The following ENPP6 variants were observed in gnomAD, a reference collection of about 807,000 sequenced individuals.
ENPP6 encodes the protein ectonucleotide pyrophosphatase/phosphodiesterase 6.
ENPP6 carries 32 observed loss-of-function variants against 42.0 expected under a neutral mutation model. That is an observed-to-expected ratio of 0.76 (90% CI 0.58 to 1.02). The LOEUF is 1.02. ENPP6 is among the 50% of genes least tolerant of loss of function. The pLI is 0.00. For synonymous variants in ENPP6, 213 were observed against 216.0 expected (o/e 0.99, Z 0.12); for missense variants, 552 against 566.8 (o/e 0.97, Z 0.27).
intron 2 of ENPP6, among the ~76,000 whole-genome samples, chr4:184,135,143 T>A (rs912164717): frequency 2.0e-5 from 3 of 152,180 alleles, no homozygotes; most frequent in Non-Finnish European, 4.4e-5. Flanking sequence ...AAATATTTCA[T>A]GTATACTTGA....
chr4:184,129,088 G>A (rs928693112), intron 2 of ENPP6, among the ~76,000 whole-genome samples: 1 of 152,168 alleles, frequency 6.6e-6, no homozygotes, highest in Middle Eastern at 3.2e-3. Context: ...TCATTTAGGT[G>A]AGAAGCAAAT....
intron 2 of ENPP6, 83 bp downstream of exon 2, chr4:184,153,471 G>T: frequency 1.4e-6 from 2 of 1,439,432 alleles, no homozygotes; most frequent in South Asian, 2.9e-5. Context: ...CCACGGCTTG[G>T]TCTTCAAACA....
chr4:184,158,132 T>C (rs1365117474), intron 1 of ENPP6, among the ~76,000 whole-genome samples: 1 of 152,248 alleles, frequency 6.6e-6, no homozygotes, highest in Non-Finnish European at 1.5e-5. Context: ...TCTCTGTCTT[T>C]GGCTCACAGT....
chr4:184,195,810 A>G (rs544497885), intron 1 of ENPP6, among the ~76,000 whole-genome samples: 1 of 152,376 alleles, frequency 6.6e-6, no homozygotes, highest in African/African-American at 2.4e-5. Context: ...CAAGTCTGTG[A>G]ACTTGAATTC....
intron 7 of ENPP6, among the ~76,000 whole-genome samples, chr4:184,093,733 A>C (rs919736485): frequency 6.6e-6 from 1 of 151,772 alleles, no homozygotes; most frequent in Non-Finnish European, 1.5e-5. Flanking sequence ...CCAGTATCCC[A>C]GCCCCTCTCA....
intron 1 of ENPP6, among the ~76,000 whole-genome samples, chr4:184,187,444 T>C (rs770395760): frequency 1.3e-5 from 2 of 152,216 alleles, no homozygotes; most frequent in African/African-American, 4.8e-5. Flanking sequence ...GCCACTCTCA[T>C]TGCTCCTTTT....
chr4:184,120,870 G>A (rs1179001634), intron 3 of ENPP6, among the ~76,000 whole-genome samples: 1 of 152,198 alleles, frequency 6.6e-6, no homozygotes, highest in Non-Finnish European at 1.5e-5. Flanking sequence ...AGAGGTGTGA[G>A]CTGGCAGAGA....
Position 184,131,228 on chromosome 4 carries a change from T to TTC in ENPP6, c.422-6958_422-6957dup, listed in dbSNP as rs1385632867. 2.2e-3 allele frequency among the ~76,000 whole-genome samples: 124 copies of TTC among 57,318 alleles called. 6 individuals are homozygous for TTC. Among genetic ancestry groups the TTC allele is most frequent in the Middle Eastern group, 7.0e-3 (1 of 142 alleles). The allele number at this position is 57,318 out of a possible 152,430, so 37.6% of individuals were successfully genotyped here. On this transcript the variant is annotated intron_variant, in intron 2 of 7. Transcript: ENST00000296741. ...TCTTTCTTTCTTTCTTTTTCTTTCT[T>TTC]TCTTTCCTTTTCTTTCTTTCTTTCT...
intron 6 of ENPP6, among the ~76,000 whole-genome samples, chr4:184,099,529 G>A (rs965195308): frequency 5.9e-5 from 9 of 152,196 alleles, no homozygotes; most frequent in Middle Eastern, 3.2e-3. Flanking sequence ...TGGCCATGGG[G>A]CCAGGTGCCC....
chr4:184,124,316 T>C (rs761450474), intron 2 of ENPP6, 44 bp from the exon 3 acceptor site: 1 of 1,432,686 alleles, frequency 7.0e-7, no homozygotes, highest in South Asian at 1.2e-5. Context: ...CTTCAATAAG[T>C]AATGTCGAGT....
At chr4:184,169,678 C>T (rs1015585523) in intron 1 of ENPP6, among the ~76,000 whole-genome samples, 3 of 152,210 alleles carry the variant, frequency 2.0e-5, no homozygotes, top group African/African-American at 7.2e-5. Flanking sequence ...GGCTCTAGGC[C>T]GCAGTTGAGG....
At chr4:184,198,340 G>A (rs1226317386) in intron 1 of ENPP6, among the ~76,000 whole-genome samples, 2 of 152,260 alleles carry the variant, frequency 1.3e-5, no homozygotes, top group Non-Finnish European at 2.9e-5. Context: ...CTGAGGGAGT[G>A]TAGACCAACA....
intron 2 of ENPP6, among the ~76,000 whole-genome samples, chr4:184,124,601 T>C (rs879630640): frequency 1.7e-4 from 26 of 152,332 alleles, no homozygotes; most frequent in Non-Finnish European, 3.5e-4. Context: ...ATTTCTTCAA[T>C]AGATTTTTCA....
At chr4:184,114,658 G>T (rs1174397145) in intron 5 of ENPP6, among the ~76,000 whole-genome samples, 1 of 151,714 alleles carries the variant, frequency 6.6e-6, no homozygotes, top group Non-Finnish European at 1.5e-5. Flanking sequence ...TGCCTGACTT[G>T]AACAGTACCT....
chr4:184,147,330 G>C (rs1736943386), intron 2 of ENPP6, among the ~76,000 whole-genome samples: 1 of 152,196 alleles, frequency 6.6e-6, no homozygotes, highest in African/African-American at 2.4e-5. Flanking sequence ...GGTTTCTACA[G>C]TGACTTCCTG....
chr4:184,145,355 T>C (rs936857327), intron 2 of ENPP6, among the ~76,000 whole-genome samples: 1 of 152,190 alleles, frequency 6.6e-6, no homozygotes, highest in Non-Finnish European at 1.5e-5. Flanking sequence ...CTCCCCTTTT[T>C]CTTCTTTATT....
At chr4:184,142,384 A>G (rs969261565) in intron 2 of ENPP6, among the ~76,000 whole-genome samples, 1 of 152,252 alleles carries the variant, frequency 6.6e-6, no homozygotes, top group Non-Finnish European at 1.5e-5. Context: ...TCCTAGAAGC[A>G]CGTAACCTTT....
chr4:184,091,169 A>C lies in ENPP6; in HGVS notation c.*8T>G, dbSNP rs141778895. 46 of 1,514,812 alleles carry C rather than the reference A, an allele frequency of 3.0e-5. 1 individual carries two copies. In the East Asian group the frequency reaches 9.8e-4, roughly 32 times the overall value. 93.8% of individuals were successfully genotyped at this position (1,514,812 alleles called of 1,614,324 possible). On this transcript the variant is annotated 3_prime_UTR_variant, in exon 8 of 8. Coordinates refer to ENST00000296741, the MANE Select transcript of ENPP6 (RefSeq NM_153343.4). The stretch of plus-strand genomic sequence containing the variant: ...GGTGTTTTTTTCTGAGACAAGCAAT[A>C]TGATCAGTTATGCAAGCAGGAAGAG...
chr4:184,119,938 T>C (rs1013720665), intron 3 of ENPP6, among the ~76,000 whole-genome samples: 29 of 152,322 alleles, frequency 1.9e-4, no homozygotes, highest in African/African-American at 7.0e-4. Flanking sequence ...GTCAATTAAA[T>C]CTCTTCCCTT....
Sources: allele counts gnomAD v4.1 joint callset (sites outside exome capture counted in the v4.1 genomes callset), GRCh38; gene constraint gnomAD v4.1.1; transcripts MANE v1.5; gene names NCBI Gene and HGNC (gene_info 2026-07-23, HGNC 2026-07-21).